The following TEK variants were observed in gnomAD, a reference collection of about 807,000 sequenced individuals.
The protein encoded by TEK is angiopoietin-1 receptor.
In TEK, 43 loss-of-function variants were observed where a neutral mutation model predicts 131.8. That is an observed-to-expected ratio of 0.33 (90% CI 0.26 to 0.42). The LOEUF is 0.42. Among genes scored for constraint, TEK ranks in the 10% least tolerant of loss-of-function variants. The pLI, the probability that TEK is intolerant of heterozygous loss-of-function variation, is 1.00. For missense variants in TEK, 1,162 were observed against 1,384.4 expected (o/e 0.84, Z 2.55); for synonymous variants, 580 against 491.6 (o/e 1.18, Z -2.38).
At chr9:27,157,676 G>A (rs1300445828) in intron 1 of TEK, among the ~76,000 whole-genome samples, 155 bp from the exon 2 acceptor site, 1 of 152,076 alleles carries the variant, frequency 6.6e-6, no homozygotes, top group Non-Finnish European at 1.5e-5. Context: ...AAAGAGTTTT[G>A]GATTTTGTCC....
At chr9:27,224,018 G>A (rs6475974) in intron 21 of TEK, among the ~76,000 whole-genome samples, 81,771 of 152,004 alleles carry the variant, frequency 0.54, 22,307 homozygotes, top group South Asian at 0.58. Flanking sequence ...TAGAAGAAAT[G>A]GATAAATTCA....
At chr9:27,179,134 T>C (rs1322053) in intron 6 of TEK, among the ~76,000 whole-genome samples, 12,456 of 152,214 alleles carry the variant, frequency 0.082, 805 homozygotes, top group African/African-American at 0.17. Context: ...AAAATCATTT[T>C]TTTCCAACCT....
At chr9:27,124,727 T>G (rs1307345655) in intron 1 of TEK, among the ~76,000 whole-genome samples, 1 of 152,202 alleles carries the variant, frequency 6.6e-6, no homozygotes, top group Non-Finnish European at 1.5e-5. Flanking sequence ...CCTCATGGGT[T>G]TTTTTTGGAG....
intron 6 of TEK, among the ~76,000 whole-genome samples, chr9:27,173,841 G>T (rs922137338): frequency 6.7e-6 from 1 of 148,398 alleles, no homozygotes; most frequent in Non-Finnish European, 1.5e-5. Flanking sequence ...GAGGCAGGAG[G>T]ATCCCTTGAG....
chr9:27,190,521 G>A lies in TEK; in HGVS notation c.1328-8G>A. On this transcript the variant is annotated splice_polypyrimidine_tract_variant and splice_region_variant and intron_variant, in intron 9 of 22. Coordinates refer to ENST00000380036, the MANE Select transcript of TEK (RefSeq NM_000459.5). ...AAGGACTAATCTGCCTTCTGAAATT[G>A]TATTTAGTTCTTCCAAAGCCCCTGA... is the stretch of plus-strand genomic sequence containing the variant. 6.2e-7 allele frequency: 1 copy of A among 1,613,886 alleles called. No homozygotes were observed. Among genetic ancestry groups the A allele is most frequent in the Admixed American group, 1.7e-5 (1 of 60,006 alleles).
At chr9:27,162,322 T>C (rs1823575228) in intron 2 of TEK, among the ~76,000 whole-genome samples, 1 of 152,216 alleles carries the variant, frequency 6.6e-6, no homozygotes, top group Admixed American at 6.5e-5. Context: ...ATTTGAGATG[T>C]GCCAAAACAC....
chr9:27,124,433 G>A (rs62542751), intron 1 of TEK, among the ~76,000 whole-genome samples: 15,041 of 152,240 alleles, frequency 0.099, 967 homozygotes, highest in Middle Eastern at 0.2. Flanking sequence ...TGTTTTACTC[G>A]TGATGTTAGA....
chr9:27,226,905 A>G (rs1039058287), intron 21 of TEK, among the ~76,000 whole-genome samples: 12 of 152,252 alleles, frequency 7.9e-5, no homozygotes, highest in South Asian at 2.1e-4. Context: ...GGTTGAGCAG[A>G]TAATTTATTG....
intron 3 of TEK, 69 bp downstream of exon 3, chr9:27,168,674 C>A: frequency 1.7e-6 from 2 of 1,176,348 alleles, no homozygotes; most frequent in South Asian, 1.3e-5. Context: ...CATATTGAAT[C>A]ATTTTCCTAT....
At chr9:27,175,604 A>T (rs1212881247) in intron 6 of TEK, among the ~76,000 whole-genome samples, 4 of 151,854 alleles carry the variant, frequency 2.6e-5, no homozygotes, top group African/African-American at 9.7e-5. Context: ...AGTCCCACCA[A>T]CAGTGTAAAA....
chr9:27,136,075 C>T (rs1822416591), intron 1 of TEK, among the ~76,000 whole-genome samples: 2 of 143,732 alleles, frequency 1.4e-5, no homozygotes, highest in African/African-American at 5.2e-5. Context: ...TGTGAATTCC[C>T]AGGGCAGTTA....
intron 9 of TEK, among the ~76,000 whole-genome samples, chr9:27,185,872 A>G (rs1415991273): frequency 6.6e-6 from 1 of 152,160 alleles, no homozygotes; most frequent in East Asian, 1.9e-4. Context: ...GGTGGCCTTG[A>G]CCAAATGAAG....
At chr9:27,111,050 C>T (rs1231628187) in intron 1 of TEK, among the ~76,000 whole-genome samples, 4 of 152,108 alleles carry the variant, frequency 2.6e-5, no homozygotes, top group Admixed American at 2.0e-4. Flanking sequence ...AATACACACA[C>T]AACTGTTTTC....
At chr9:27,227,071 G>T (rs1826364073) in intron 21 of TEK, among the ~76,000 whole-genome samples, 1 of 152,158 alleles carries the variant, frequency 6.6e-6, no homozygotes, top group African/African-American at 2.4e-5. Flanking sequence ...GGGGTGAGAA[G>T]ATTTTTTAGT....
chr9:27,136,146 A>T, intron 1 of TEK, among the ~76,000 whole-genome samples: 1 of 144,098 alleles, frequency 6.9e-6, no homozygotes, highest in African/African-American at 2.6e-5. Context: ...CAGTGGCACG[A>T]TCTTGGCTCA....
chr9:27,114,700 T>G (rs908975033), intron 1 of TEK, among the ~76,000 whole-genome samples: 1 of 152,214 alleles, frequency 6.6e-6, no homozygotes, highest in African/African-American at 2.4e-5. Context: ...ATCTTAAAAG[T>G]TTAGCTTATA....
At chr9:27,168,905 T>C (rs1348801613) in intron 3 of TEK, among the ~76,000 whole-genome samples, 1 of 152,246 alleles carries the variant, frequency 6.6e-6, no homozygotes, top group African/African-American at 2.4e-5. Context: ...TCTTTGATTG[T>C]GACATTGTTG....
At chr9:27,150,645 T>G (rs1330140163) in intron 1 of TEK, among the ~76,000 whole-genome samples, 1 of 152,074 alleles carries the variant, frequency 6.6e-6, no homozygotes, top group Non-Finnish European at 1.5e-5. Context: ...CACCAAGCAG[T>G]CTGTAAAACC....
chr9:27,135,565 G>A (rs11788214), intron 1 of TEK, among the ~76,000 whole-genome samples: 25,797 of 151,958 alleles, frequency 0.17, 3,711 homozygotes, highest in African/African-American at 0.39. Context: ...TAAAATTTAC[G>A]AAAATTTTTT....
Sources: allele counts gnomAD v4.1 joint callset (sites outside exome capture counted in the v4.1 genomes callset), GRCh38; gene constraint gnomAD v4.1.1; transcripts MANE v1.5; gene names NCBI Gene and HGNC (gene_info 2026-07-23, HGNC 2026-07-21).